Variants in EVI5L observed in about 807,000 individuals in gnomAD.
EVI5L encodes the protein EVI5-like protein.
A neutral mutation model predicts 106.1 loss-of-function variants in EVI5L; 30 were observed. The observed-to-expected ratio is 0.28, with a 90% CI of 0.21 to 0.38. The LOEUF is 0.38. Ranked by LOEUF, EVI5L falls within the 10% of genes least tolerant of loss-of-function variation. The pLI, the probability that EVI5L is intolerant of heterozygous loss-of-function variation, is 1.00. For missense variants in EVI5L, 809 were observed against 1,098.0 expected (o/e 0.74, Z 3.72); for synonymous variants, 489 against 483.3 (o/e 1.01, Z -0.15).
intron 1 of EVI5L, among the ~76,000 whole-genome samples, chr19:7,833,638 CAA>C (rs924398264): frequency 2.0e-5 from 3 of 152,220 alleles, no homozygotes; most frequent in South Asian, 2.1e-4. Flanking sequence ...GACACACGCC[CAA>C]GAGGCAGGAG....
intron 1 of EVI5L, among the ~76,000 whole-genome samples, chr19:7,843,034 G>A (rs1440837935): frequency 6.6e-6 from 1 of 150,856 alleles, no homozygotes; most frequent in Non-Finnish European, 1.5e-5. Context: ...GCGTGTGTGT[G>A]AGAGAATAGG....
chr19:7,847,058 G>C (rs1167865488), intron 2 of EVI5L, among the ~76,000 whole-genome samples: 1 of 152,188 alleles, frequency 6.6e-6, no homozygotes, highest in Non-Finnish European at 1.5e-5. Context: ...TTGGGAGGCC[G>C]AGGCAGACGG....
chr19:7,848,417 C>A lies in EVI5L; in HGVS notation c.327+496C>A, dbSNP rs1158764447. On this transcript the variant is annotated intron_variant, in intron 3 of 19. Transcript: ENST00000538904. The surrounding 1 kb of genome is among the most constrained non-coding windows in gnomAD (Gnocchi z 4.8). ...TTCAAGACCAGCCTGGCCAACATGG[C>A]GAAACTCCGACTCTACTAAAAATAC... Among the ~76,000 whole-genome samples, 1 of 151,954 alleles carries A rather than the reference C, an allele frequency of 6.6e-6. No individual in the cohort carries two copies. The highest frequency in any genetic ancestry group is 2.4e-5 in the African/African-American group (1 of 41,362).
rs375270786 is a variant in EVI5L at position 7,849,040 on chromosome 19, G to A, written c.447G>A (p.Pro149=). The change falls in exon 4 of 20, where the codon CCG becomes CCA. Residue 149 remains proline, a synonymous_variant. Transcript: ENST00000538904. ...CCGAGCTGCTCAAGATGTCCTCGCC[G>A]TGCGAGAAGCTGATCCGCAGGGACA... ...QYSELLKMSS[P]CEKLIRRDIA... The A allele has an allele frequency of 1.6e-4, 251 of 1,613,484 alleles. 1 individual carries two copies. Among genetic ancestry groups the A allele is most frequent in the African/African-American group, 1.5e-3 (112 of 75,060 alleles).
chr19:7,859,763 G>T (rs960803922), intron 13 of EVI5L, among the ~76,000 whole-genome samples: 1 of 152,240 alleles, frequency 6.6e-6, no homozygotes, highest in African/African-American at 2.4e-5. Context: ...GAGGCCCAAG[G>T]CCACCTCCTC....
chr19:7,838,511 C>T (rs1978450793), intron 1 of EVI5L, among the ~76,000 whole-genome samples: 1 of 152,194 alleles, frequency 6.6e-6, no homozygotes. Context: ...GTGTTAGCCA[C>T]GTAACTTATC....
In EVI5L at chr19:7,848,034, A is replaced by C; in HGVS notation, c.327+113A>C. 1.7e-6 allele frequency: 2 copies of C among 1,166,614 alleles called. No homozygotes were observed. Among genetic ancestry groups the C allele is most frequent in the South Asian group, 3.2e-5 (2 of 62,312 alleles). 72.3% of individuals were successfully genotyped at this position (1,166,614 alleles called of 1,614,324 possible). A position where few individuals can be genotyped will look rare whatever the true frequency, so the allele number is the denominator to read the frequency against. ...GGGGCCCCAGCCTGGGCACAGCGGC[A>C]GCAGTGGAGATGTGCAGGCACTTTC... On this transcript the variant is annotated intron_variant, in intron 3 of 19. Transcript: ENST00000538904. The surrounding 1 kb of genome is among the most constrained non-coding windows in gnomAD (Gnocchi z 4.8).
chr19:7,830,802 C>T (rs1438399199), intron 1 of EVI5L, among the ~76,000 whole-genome samples: 1 of 144,872 alleles, frequency 6.9e-6, no homozygotes, highest in Non-Finnish European at 1.5e-5. Context: ...TCTCAGGACC[C>T]CTCCCTTCTG....
chr19:7,855,108 CTTTTTCTTTTTTTT>C (rs1219366851), intron 10 of EVI5L, among the ~76,000 whole-genome samples: 1 of 148,708 alleles, frequency 6.7e-6, no homozygotes, highest in Admixed American at 6.7e-5. Context: ...GTGCAAATAT[CTTTTTCTTTTTTTT>C]TTTTTTTTTT....
intron 1 of EVI5L, among the ~76,000 whole-genome samples, chr19:7,843,168 G>A (rs1341753857): frequency 4.7e-5 from 7 of 149,198 alleles, no homozygotes; most frequent in African/African-American, 1.5e-4. Flanking sequence ...GCATGGGTGT[G>A]TGTGTTGAGT....
chr19:7,852,180 T>C (rs1248541404), intron 8 of EVI5L, among the ~76,000 whole-genome samples: 20 of 152,180 alleles, frequency 1.3e-4, no homozygotes, highest in Non-Finnish European at 1.2e-4. Context: ...ACCTCACGCC[T>C]TGCCCCGCCC....
At position 7,862,990 on chromosome 19, in the gene EVI5L, G is replaced by T. The variant is rs1181228085; in HGVS notation, c.1966G>T (p.Ala656Ser). 7 of 1,574,680 alleles carry T rather than the reference G, an allele frequency of 4.4e-6. No homozygotes were observed. Among genetic ancestry groups the T allele is most frequent in the South Asian group, 1.2e-5 (1 of 86,608 alleles). The part of the protein sequence containing the change: ...AECKSKEEVM[A>S]VRLREADSMA... Reference sequence around the variant, plus strand: ...ACCCCAGAGCAAGGAGGAGGTGATGGCTGTGCGACTGCGGGAGGCGGACAG... The same window carrying T: ...ACCCCAGAGCAAGGAGGAGGTGATGTCTGTGCGACTGCGGGAGGCGGACAG... Residue 656 changes from alanine (A) to serine (S), a missense_variant, in exon 18 of 20, where the codon GCT (alanine) becomes TCT (serine). Around this residue, in one of 2 missense-constraint regions of EVI5L, gnomAD observed 452 missense variants for 509.9 expected, o/e 0.89. Coordinates refer to ENST00000538904, the MANE Select transcript of EVI5L (RefSeq NM_001159944.3).
Position 7,856,498 on chromosome 19 carries a change from G to A in EVI5L, c.1200+430G>A, listed in dbSNP as rs1166219242. ...CAGTGGAGGAGAAGCGTGGCGCCAT[G>A]GTGGGGAGCCACAGCCCGGACTCTG... On this transcript the variant is annotated intron_variant, in intron 11 of 19. Coordinates refer to ENST00000538904, the MANE Select transcript of EVI5L (RefSeq NM_001159944.3). This position sits in a 1 kb window ranked among gnomAD's most constrained non-coding sequence, Gnocchi z 6.6. Among the ~76,000 whole-genome samples, 2 of 152,046 alleles carry A rather than the reference G, an allele frequency of 1.3e-5. No individual in the cohort carries two copies. Among genetic ancestry groups the A allele is most frequent in the African/African-American group, 4.8e-5 (2 of 41,400 alleles).
At chr19:7,847,595 G>T in intron 2 of EVI5L, 137 bp from the exon 3 acceptor site, 1 of 664,228 alleles carries the variant, frequency 1.5e-6, no homozygotes, top group Non-Finnish European at 2.3e-6. Context: ...CAAAGAAGAA[G>T]AAAAAAAAAA....
At chr19:7,847,691 A>G (rs759213228) in intron 2 of EVI5L, 41 bp from the exon 3 acceptor site, 19 of 1,596,584 alleles carry the variant, frequency 1.2e-5, no homozygotes, top group African/African-American at 1.1e-4. Flanking sequence ...CCCTGTCCCC[A>G]GGGAGTCACT....
intron 10 of EVI5L, 74 bp downstream of exon 10, chr19:7,853,407 G>T (rs1188854137): frequency 6.5e-7 from 1 of 1,545,294 alleles, no homozygotes; most frequent in Non-Finnish European, 8.8e-7. Flanking sequence ...TCTAAAGATC[G>T]GCCGCTAGGG....
chr19:7,863,324 G>A lies in EVI5L; in HGVS notation c.2139+44G>A. 2 of 1,547,990 alleles carry A rather than the reference G, an allele frequency of 1.3e-6. No individual in the cohort carries two copies. Among genetic ancestry groups the A allele is most frequent in the Non-Finnish European group, 1.7e-6 (2 of 1,146,004 alleles). On this transcript the variant is annotated intron_variant, in intron 19 of 19. Transcript: ENST00000538904. The surrounding 1 kb of genome is among the most constrained non-coding windows in gnomAD (Gnocchi z 7.7). ...GCCGGGGACAGGCCTGGGTGTCGTC[G>A]GCCTGGGACGAGCCGAGCGCAGGTG...
chr19:7,858,253 G>A lies in EVI5L; in HGVS notation c.1296G>A (p.Val432=), dbSNP rs1671509659. ...ACGTCATCAAGCGGGAGCTGGCGGT[G>A]GTGCGGCAGCAGTGCAGCTCGGCGG... ...ENYVIKRELA[V]VRQQCSSAAE... is the part of the protein sequence containing the mutation. The change falls in exon 13 of 20, where the codon GTG becomes GTA. Residue 432 remains valine (V), a synonymous_variant. Coordinates refer to ENST00000538904, the MANE Select transcript of EVI5L (RefSeq NM_001159944.3). The surrounding 1 kb of genome is among the most constrained non-coding windows in gnomAD (Gnocchi z 5.7). 19 of 1,560,600 alleles carry A rather than the reference G, an allele frequency of 1.2e-5. No individual in the cohort carries two copies. The highest frequency in any genetic ancestry group is 1.6e-5 in the Non-Finnish European group (18 of 1,152,656).
chr19:7,850,592 C>T lies in EVI5L; in HGVS notation c.753+470C>T, dbSNP rs762222252. 1.2e-4 allele frequency among the ~76,000 whole-genome samples: 18 copies of T among 152,322 alleles called. No individual in the cohort carries two copies. Among genetic ancestry groups the T allele is most frequent in the Middle Eastern group, 3.4e-3 (1 of 294 alleles). On this transcript the variant is annotated intron_variant, in intron 6 of 19. Coordinates refer to ENST00000538904, the MANE Select transcript of EVI5L (RefSeq NM_001159944.3). The surrounding 1 kb of genome is among the most constrained non-coding windows in gnomAD (Gnocchi z 5.4). ...GGCCGTTTGCGAACATACACACACCCGCATGCATACACACACACGCAGACA... is the reference window on the plus strand; with the variant it reads ...GGCCGTTTGCGAACATACACACACCTGCATGCATACACACACACGCAGACA...
Sources: gnomAD v4.1 joint callset for allele counts (sites outside exome capture counted in the v4.1 genomes callset) on GRCh38, gnomAD v4.1.1 for gene constraint, gnomAD v4.1.1 regional missense constraint, Gnocchi (gnomAD v3.1) non-coding constraint, MANE v1.5 for transcripts, NCBI Gene and HGNC (gene_info 2026-07-23, HGNC 2026-07-21) for gene names.